HACE1: variants seen among roughly 807,000 people sequenced by gnomAD.
HACE1 encodes the protein E3 ubiquitin-protein ligase HACE1.
HACE1 carries 73 observed loss-of-function variants against 118.4 expected under a neutral mutation model. The observed-to-expected ratio is 0.62, with a 90% CI of 0.51 to 0.75. The LOEUF is 0.75. Ranked by LOEUF, HACE1 falls within the 30% of genes least tolerant of loss-of-function variation. HACE1 has a pLI of 0.00. For synonymous variants in HACE1, 368 were observed against 374.8 expected (o/e 0.98, Z 0.21); for missense variants, 749 against 1,102.2 (o/e 0.68, Z 4.54).
intron 22 of HACE1, among the ~76,000 whole-genome samples, chr6:104,737,932 C>G (rs6937900): frequency 0.45 from 69,104 of 151,938 alleles, 17,858 homozygotes; most frequent in African/African-American, 0.72. Context: ...GTCCCTGTCT[C>G]ACAGCTTTGA....
intron 11 of HACE1, chr6:104,786,422 T>C (rs1386639997): frequency 7.6e-6 from 1 of 130,944 alleles, no homozygotes; most frequent in Non-Finnish European, 1.6e-5. Flanking sequence ...AAAAAAAAGA[T>C]GAGGAGAGAA....
At chr6:104,841,077 C>T (rs1318919580) in intron 5 of HACE1, among the ~76,000 whole-genome samples, 2 of 149,762 alleles carry the variant, frequency 1.3e-5, no homozygotes, top group Non-Finnish European at 3.0e-5. Flanking sequence ...GCTGGGATTG[C>T]GCCATTGCAC....
rs200934556 is a variant in HACE1 at position 104,744,494 on chromosome 6, G to A, written c.2442+18C>T. The A allele has an allele frequency of 1.5e-6, 2 of 1,319,566 alleles. No individual in the cohort carries two copies. The highest frequency in any genetic ancestry group is 2.3e-5 in the East Asian group (1 of 43,436). The allele number at this position is 1,319,566 out of a possible 1,614,324, so 81.7% of individuals were successfully genotyped here. On this transcript the variant is annotated intron_variant, in intron 21 of 23. Coordinates refer to ENST00000262903, the MANE Select transcript of HACE1 (RefSeq NM_020771.4). ...ACGGCAAAACTTAACTTCATTCTAAGCTCTAGAGAAATTTTACCTGAATAA... is the reference window on the plus strand; with the variant it reads ...ACGGCAAAACTTAACTTCATTCTAAACTCTAGAGAAATTTTACCTGAATAA...
At chr6:104,794,580 C>G (rs180730438) in intron 10 of HACE1, among the ~76,000 whole-genome samples, 41 of 152,320 alleles carry the variant, frequency 2.7e-4, no homozygotes, top group African/African-American at 9.9e-4. Context: ...GATCACCTCA[C>G]AGATGGCCTA....
intron 17 of HACE1, among the ~76,000 whole-genome samples, chr6:104,774,080 C>CTTTTTTTTTTTTT (rs540039211): frequency 1.3e-5 from 1 of 74,844 alleles, no homozygotes; most frequent in African/African-American, 8.0e-5. Context: ...CATCTTTTCT[C>CTTTTTTTTTTTTT]TTTTTTTTTT....
chr6:104,753,256 G>A (rs2400053), intron 19 of HACE1, among the ~76,000 whole-genome samples: 35,690 of 152,096 alleles, frequency 0.23, 4,551 homozygotes, highest in African/African-American at 0.34. Flanking sequence ...ACCGAGCTCC[G>A]GGGACAAGGG....
chr6:104,772,100 T>C (rs752897081), intron 17 of HACE1, 26 bp from the exon 18 acceptor site: 2 of 1,266,472 alleles, frequency 1.6e-6, no homozygotes, highest in South Asian at 1.2e-5. Context: ...CAAAATAATA[T>C]ATTATTAAGA....
chr6:104,858,741 A>G (rs1777000832), intron 1 of HACE1, among the ~76,000 whole-genome samples: 1 of 152,206 alleles, frequency 6.6e-6, no homozygotes, highest in South Asian at 2.1e-4. Context: ...ACTTGGGCAT[A>G]AAGAGCCAAA....
chr6:104,841,905 A>C (rs1288976674), intron 5 of HACE1, among the ~76,000 whole-genome samples: 1 of 152,208 alleles, frequency 6.6e-6, no homozygotes, highest in East Asian at 1.9e-4. Flanking sequence ...TTGGGATTTC[A>C]ACAATCTCTT....
intron 20 of HACE1, among the ~76,000 whole-genome samples, chr6:104,747,489 A>G (rs1777553701): frequency 6.6e-6 from 1 of 152,092 alleles, no homozygotes; most frequent in South Asian, 2.1e-4. Flanking sequence ...CAAATTTTTT[A>G]AAAGTTTCCT....
intron 2 of HACE1, among the ~76,000 whole-genome samples, chr6:104,852,086 T>A (rs150020878): frequency 6.6e-6 from 1 of 152,190 alleles, no homozygotes; most frequent in Non-Finnish European, 1.5e-5. Context: ...AAATCTATCA[T>A]AAAATGTTAC....
intron 22 of HACE1, among the ~76,000 whole-genome samples, chr6:104,741,075 A>T (rs1390079644): frequency 9.2e-6 from 1 of 108,700 alleles, no homozygotes; most frequent in Non-Finnish European, 1.8e-5. Context: ...GATTATCTCA[A>T]TAGATGCAGA....
At chr6:104,807,431 T>C (rs747876459) in intron 7 of HACE1, among the ~76,000 whole-genome samples, 8 of 152,198 alleles carry the variant, frequency 5.3e-5, no homozygotes, top group Non-Finnish European at 1.0e-4. Flanking sequence ...CCTTTCTGTC[T>C]CTAGTAGAGA....
chr6:104,762,625 C>A (rs1221885921), intron 19 of HACE1, among the ~76,000 whole-genome samples: 1 of 152,106 alleles, frequency 6.6e-6, no homozygotes, highest in Non-Finnish European at 1.5e-5. Flanking sequence ...GTGCCACAAA[C>A]CACCATGGCA....
At chr6:104,742,929 T>G (rs894302995) in intron 22 of HACE1, among the ~76,000 whole-genome samples, 1 of 151,840 alleles carries the variant, frequency 6.6e-6, no homozygotes, top group Admixed American at 6.6e-5. Flanking sequence ...CCAACAATGA[T>G]AGACTGGATT....
At chr6:104,785,362 A>C in intron 11 of HACE1, 43 bp from the exon 12 acceptor site, 1 of 1,076,330 alleles carries the variant, frequency 9.3e-7, no homozygotes, top group Non-Finnish European at 1.4e-6. Flanking sequence ...TTCTTAAACT[A>C]CAGGATTAAA....
At chr6:104,744,902 T>G (rs1376575543) in intron 20 of HACE1, among the ~76,000 whole-genome samples, 5 of 152,202 alleles carry the variant, frequency 3.3e-5, no homozygotes, top group Admixed American at 2.6e-4. Context: ...ACAGTTTATA[T>G]GTGCAAAAGT....
At chr6:104,847,190 T>C (rs1266586506) in intron 4 of HACE1, among the ~76,000 whole-genome samples, 6 of 152,242 alleles carry the variant, frequency 3.9e-5, no homozygotes, top group African/African-American at 1.4e-4. Context: ...CACACTGAAG[T>C]CTTATGACTA....
chr6:104,852,911 A>G (rs1418138310), intron 1 of HACE1, among the ~76,000 whole-genome samples: 2 of 152,186 alleles, frequency 1.3e-5, no homozygotes, highest in Non-Finnish European at 2.9e-5. Context: ...AAAAGAAATT[A>G]GTTTAGAAGC....
Sources: allele counts gnomAD v4.1 joint callset (sites outside exome capture counted in the v4.1 genomes callset), GRCh38; gene constraint gnomAD v4.1.1; transcripts MANE v1.5; gene names NCBI Gene and HGNC (gene_info 2026-07-23, HGNC 2026-07-21).